Variants in ASIC2 observed in about 807,000 individuals in gnomAD.
ASIC2 encodes the protein acid-sensing ion channel 2.
In ASIC2, 25 loss-of-function variants were observed where a neutral mutation model predicts 57.3. The ratio of observed to expected loss-of-function variants is 0.44; its 90% CI spans 0.32 to 0.61. ASIC2 has a LOEUF of 0.61. ASIC2 is among the 20% of genes least tolerant of loss of function. ASIC2 has a pLI of 0.06. For synonymous variants in ASIC2, 319 were observed against 307.5 expected, an observed-to-expected ratio of 1.04 and a Z score of -0.39; for missense variants, 641 against 738.1, an observed-to-expected ratio of 0.87 and a Z score of 1.52.
chr17:34,011,813 C>T lies in ASIC2; in HGVS notation c.555+144165G>A, dbSNP rs76872603. On this transcript the variant is annotated intron_variant, in intron 1 of 9. Transcript: ENST00000359872. The stretch of plus-strand genomic sequence containing the variant: ...CTTCTGGCTCCTGTGACACCACTCA[C>T]CCCACTCCCCGCCCCTTCTCTGAGT... Among the ~76,000 whole-genome samples, 256 of 152,314 alleles carry T rather than the reference C, an allele frequency of 1.7e-3. 2 individuals carry two copies. Among genetic ancestry groups the T allele is most frequent in the African/African-American group, 4.9e-3 (204 of 41,568 alleles).
intron 1 of ASIC2, among the ~76,000 whole-genome samples, chr17:33,519,443 G>A (rs1051428530): frequency 1.3e-5 from 2 of 152,142 alleles, no homozygotes; most frequent in Non-Finnish European, 2.9e-5. Context: ...TATGACCCCC[G>A]TATTTCTCTA....
intron 1 of ASIC2, among the ~76,000 whole-genome samples, chr17:33,785,178 T>G (rs770624633): frequency 1.3e-5 from 2 of 151,612 alleles, no homozygotes; most frequent in Non-Finnish European, 2.9e-5. Context: ...GAGATTAGGG[T>G]ACAGACACAC....
chr17:33,613,098 A>C (rs895355770), intron 1 of ASIC2, among the ~76,000 whole-genome samples: 20 of 152,218 alleles, frequency 1.3e-4, no homozygotes, highest in Non-Finnish European at 2.8e-4. Context: ...TTTTTAAAAC[A>C]AAATGACAGT....
intron 1 of ASIC2, among the ~76,000 whole-genome samples, chr17:33,633,637 T>A (rs1036089565): frequency 1.3e-5 from 2 of 152,162 alleles, no homozygotes; most frequent in Non-Finnish European, 2.9e-5. Context: ...AACAGGTGGG[T>A]GTTTCCTTCT....
intron 1 of ASIC2, among the ~76,000 whole-genome samples, chr17:33,786,089 C>T (rs1035411306): frequency 9.9e-5 from 15 of 152,166 alleles, no homozygotes; most frequent in African/African-American, 3.6e-4. Context: ...GGGGTTTGGA[C>T]ACAAGCCTTT....
intron 1 of ASIC2, among the ~76,000 whole-genome samples, chr17:33,270,951 T>C (rs562779611): frequency 6.6e-6 from 1 of 152,260 alleles, no homozygotes; most frequent in South Asian, 2.1e-4. Context: ...TCCAGGATGT[T>C]AGAGCTTGGT....
intron 1 of ASIC2, among the ~76,000 whole-genome samples, chr17:33,167,998 C>T (rs1051627855): frequency 1.3e-5 from 2 of 152,204 alleles, no homozygotes; most frequent in African/African-American, 4.8e-5. Context: ...GCTCTGCCCT[C>T]ATTAAATGCA....
chr17:33,963,112 A>T (rs1434125606), intron 1 of ASIC2, among the ~76,000 whole-genome samples: 1 of 152,148 alleles, frequency 6.6e-6, no homozygotes, highest in Admixed American at 6.5e-5. Context: ...GGTGTACAGC[A>T]CCCACTTGCC....
At chr17:33,712,934 C>T (rs1010484420) in intron 1 of ASIC2, among the ~76,000 whole-genome samples, 3 of 152,046 alleles carry the variant, frequency 2.0e-5, no homozygotes, top group African/African-American at 4.8e-5. Context: ...CGTGAGCCAC[C>T]GCGCCCGGCC....
chr17:33,662,707 A>G (rs1483496347), intron 1 of ASIC2, among the ~76,000 whole-genome samples: 1 of 150,116 alleles, frequency 6.7e-6, no homozygotes, highest in East Asian at 1.9e-4. Context: ...ACTCACTTTT[A>G]GTACTGTTTC....
chr17:33,104,534 G>C (rs907279813), intron 2 of ASIC2, among the ~76,000 whole-genome samples: 28 of 152,304 alleles, frequency 1.8e-4, no homozygotes, highest in Admixed American at 1.8e-3. Context: ...AGCAAACGGG[G>C]GTTTCCATCT....
chr17:34,027,730 T>A (rs2142034090), intron 1 of ASIC2, among the ~76,000 whole-genome samples: 1 of 152,338 alleles, frequency 6.6e-6, no homozygotes, highest in South Asian at 2.1e-4. Context: ...CACCCTCCAT[T>A]GTCACTGATG....
At chr17:33,436,926 C>T (rs949001934) in intron 1 of ASIC2, among the ~76,000 whole-genome samples, 5 of 127,382 alleles carry the variant, frequency 3.9e-5, no homozygotes, top group South Asian at 2.7e-4. Context: ...AGTGCAGTGG[C>T]GCGATCTCGG....
intron 1 of ASIC2, among the ~76,000 whole-genome samples, chr17:33,181,716 A>G (rs185298675): frequency 1.3e-5 from 2 of 152,328 alleles, no homozygotes; most frequent in East Asian, 3.9e-4. Flanking sequence ...ACTCAATTCC[A>G]GCGGTATGTT....
At chr17:33,257,738 G>C (rs1909131319) in intron 1 of ASIC2, among the ~76,000 whole-genome samples, 2 of 152,208 alleles carry the variant, frequency 1.3e-5, no homozygotes, top group South Asian at 4.1e-4. Flanking sequence ...GACATTCAGA[G>C]AACACAGGTA....
chr17:33,411,417 A>G (rs536762444), intron 1 of ASIC2, among the ~76,000 whole-genome samples: 1 of 152,342 alleles, frequency 6.6e-6, no homozygotes, highest in South Asian at 2.1e-4. Context: ...CTGGACTGTC[A>G]TTATGTCAAT....
At chr17:33,682,460 G>C (rs745917106) in intron 1 of ASIC2, among the ~76,000 whole-genome samples, 6 of 152,064 alleles carry the variant, frequency 3.9e-5, no homozygotes, top group Non-Finnish European at 8.8e-5. Flanking sequence ...CAGAAGACCT[G>C]CGTGCGGCCT....
chr17:33,197,174 C>A (rs566271551), intron 1 of ASIC2, among the ~76,000 whole-genome samples: 1 of 152,328 alleles, frequency 6.6e-6, no homozygotes, highest in African/African-American at 2.4e-5. Flanking sequence ...CTAGCTCTTT[C>A]CCTGCTCTGG....
intron 1 of ASIC2, among the ~76,000 whole-genome samples, chr17:33,396,863 T>C (rs1910095272): frequency 6.6e-6 from 1 of 152,198 alleles, no homozygotes. Flanking sequence ...CCATTAGCTG[T>C]TCATTTCCTG....
Sources: allele counts gnomAD v4.1 joint callset (sites outside exome capture counted in the v4.1 genomes callset), GRCh38; gene constraint gnomAD v4.1.1; transcripts MANE v1.5; gene names NCBI Gene and HGNC (gene_info 2026-07-23, HGNC 2026-07-21).